CDC42BPB: variants seen among roughly 807,000 people sequenced by gnomAD.
CDC42BPB encodes the protein CDC42 binding protein kinase beta.
CDC42BPB carries 37 observed loss-of-function variants against 214.9 expected under a neutral mutation model. The ratio of observed to expected loss-of-function variants is 0.17; its 90% confidence interval spans 0.13 to 0.23. The LOEUF (loss-of-function observed/expected upper bound fraction) is 0.23. Among genes scored for constraint, CDC42BPB ranks in the 10% least tolerant of loss-of-function variants. The pLI, the probability that CDC42BPB is intolerant of heterozygous loss-of-function variation, is 1.00. For synonymous variants in CDC42BPB, 931 were observed against 884.0 expected, an observed-to-expected ratio of 1.05 and a Z score of -0.94; for missense variants, 1,694 against 2,227.0, an observed-to-expected ratio of 0.76 and a Z score of 4.82.
intron 7 of CDC42BPB, among the ~76,000 whole-genome samples, chr14:102,982,741 CAA>C (rs1239837867): frequency 6.6e-6 from 1 of 151,592 alleles, no homozygotes; most frequent in East Asian, 1.9e-4. Context: ...GCCTGGGCGA[CAA>C]GAGCGAAACT....
At chr14:103,006,328 G>A (rs951339238) in intron 3 of CDC42BPB, among the ~76,000 whole-genome samples, 2 of 152,252 alleles carry the variant, frequency 1.3e-5, no homozygotes, top group African/African-American at 2.4e-5. Flanking sequence ...GGGCTGCCCC[G>A]AGGATCTGCG....
At position 103,001,797 on chromosome 14, in the gene CDC42BPB, G is replaced by A. The variant is rs1894998009; in HGVS notation, c.448-2084C>T. The stretch of plus-strand genomic sequence containing the variant: ...AAGGAAGGCCGTGGGGTCGAGTCAA[G>A]CCCTTACTAGCTGAGCCCCAGCCGC... On this transcript the variant is annotated intron_variant, in intron 4 of 36. Transcript: ENST00000361246. This position sits in a 1 kb window ranked among gnomAD's most constrained non-coding sequence, Gnocchi z 5.8. 1.3e-5 allele frequency among the ~76,000 whole-genome samples: 2 copies of A among 152,160 alleles called. No homozygotes were observed. Among genetic ancestry groups the A allele is most frequent in the African/African-American group, 4.8e-5 (2 of 41,432 alleles).
intron 7 of CDC42BPB, among the ~76,000 whole-genome samples, chr14:102,981,483 C>T (rs1187398743): frequency 6.6e-6 from 1 of 152,158 alleles, no homozygotes; most frequent in African/African-American, 2.4e-5. Flanking sequence ...AAAAGAGACT[C>T]GTTAAAAAAG....
chr14:102,975,249 C>T lies in CDC42BPB; in HGVS notation c.1507+435G>A, dbSNP rs190485693. Among the ~76,000 whole-genome samples the T allele has an allele frequency of 4.5e-4, 69 of 152,306 alleles. 1 individual carries two copies. The highest frequency in any genetic ancestry group is 2.0e-4 in the Admixed American group (3 of 15,290). ...TAGAACTAAGCCAATTGGGGCTGGG[C>T]GCAGTGGCTCATGCTTGTAATTCCA... On this transcript the variant is annotated intron_variant, in intron 11 of 36. Transcript: ENST00000361246.
chr14:103,034,064 A>C (rs1887534901), intron 1 of CDC42BPB, among the ~76,000 whole-genome samples: 1 of 152,244 alleles, frequency 6.6e-6, no homozygotes, highest in Non-Finnish European at 1.5e-5. Flanking sequence ...CATCTGATTG[A>C]TACAGGCCCT....
At chr14:102,973,950 G>A in intron 12 of CDC42BPB, 66 bp downstream of exon 12, 1 of 1,528,716 alleles carries the variant, frequency 6.5e-7, no homozygotes, top group South Asian at 1.3e-5. Flanking sequence ...TCATCGGCAT[G>A]AACGTGACCT....
At chr14:103,054,882 A>G (rs1888857460) in intron 1 of CDC42BPB, among the ~76,000 whole-genome samples, 1 of 152,274 alleles carries the variant, frequency 6.6e-6, no homozygotes, top group Non-Finnish European at 1.5e-5. Context: ...ACACATGCTG[A>G]CAAGAGCTTC....
intron 1 of CDC42BPB, among the ~76,000 whole-genome samples, chr14:103,035,922 C>T (rs1447009687): frequency 1.3e-5 from 2 of 152,028 alleles, no homozygotes; most frequent in Non-Finnish European, 2.9e-5. Context: ...AAGGCCAAGG[C>T]AGGAGGATCG....
intron 9 of CDC42BPB, among the ~76,000 whole-genome samples, chr14:102,977,039 G>A (rs1277400095): frequency 6.6e-6 from 1 of 152,070 alleles, no homozygotes; most frequent in Non-Finnish European, 1.5e-5. Context: ...TTCCAAGCTC[G>A]AGCAGAAGTA....
intron 1 of CDC42BPB, among the ~76,000 whole-genome samples, chr14:103,024,115 C>A (rs1201536124): frequency 6.6e-6 from 1 of 152,236 alleles, no homozygotes; most frequent in African/African-American, 2.4e-5. Context: ...CGCTCTCCCA[C>A]ACACTCCAAA....
intron 1 of CDC42BPB, among the ~76,000 whole-genome samples, chr14:103,014,265 C>CT (rs1238626535): frequency 2.0e-5 from 3 of 151,944 alleles, no homozygotes; most frequent in African/African-American, 7.3e-5. Flanking sequence ...CCCACACTGT[C>CT]TGACTCCAGA....
At chr14:102,941,402 A>T (rs1891883143) in intron 30 of CDC42BPB, 1 of 985,348 alleles carries the variant, frequency 1.0e-6, no homozygotes, top group Non-Finnish European at 1.2e-6. Context: ...TTTTCTTCTG[A>T]ATACAAAAAG....
At chr14:102,957,993 T>C (rs989899908) in intron 21 of CDC42BPB, among the ~76,000 whole-genome samples, 7 of 152,232 alleles carry the variant, frequency 4.6e-5, no homozygotes, top group African/African-American at 1.4e-4. Flanking sequence ...AGAGTGGACA[T>C]TCTGCAGGAC....
At chr14:103,028,589 C>T (rs1012661050) in intron 1 of CDC42BPB, among the ~76,000 whole-genome samples, 6 of 152,340 alleles carry the variant, frequency 3.9e-5, no homozygotes, top group African/African-American at 1.4e-4. Context: ...CCCAGGAACA[C>T]GCCCGTCTGC....
intron 1 of CDC42BPB, among the ~76,000 whole-genome samples, chr14:103,055,407 A>G (rs1005762840): frequency 2.0e-5 from 3 of 152,248 alleles, no homozygotes; most frequent in Non-Finnish European, 4.4e-5. Context: ...TAGGCAACAC[A>G]GTGAGACTCG....
chr14:102,949,916 A>G lies in CDC42BPB; in HGVS notation c.3310-12T>C. 2.5e-6 allele frequency: 4 copies of G among 1,612,522 alleles called. No individual in the cohort carries two copies. The highest frequency in any genetic ancestry group is 3.4e-6 in the Non-Finnish European group (4 of 1,179,374). ...GTGGGCTTTGGGACCTATGAATAAAAACAAACAGTGGCCACGTTCCACCAG... is the reference window on the plus strand; with the variant it reads ...GTGGGCTTTGGGACCTATGAATAAAGACAAACAGTGGCCACGTTCCACCAG... On this transcript the variant is annotated splice_polypyrimidine_tract_variant and intron_variant, in intron 25 of 36. Transcript: ENST00000361246.
chr14:102,959,606 A>G (rs199777122), intron 21 of CDC42BPB, 25 bp downstream of exon 21: 80 of 1,511,548 alleles, frequency 5.3e-5, no homozygotes, highest in Non-Finnish European at 1.7e-5. Flanking sequence ...CTCATCTGTC[A>G]CTTAAAAAAA....
At chr14:102,960,393 G>C (rs923389631) in intron 20 of CDC42BPB, among the ~76,000 whole-genome samples, 1 of 152,010 alleles carries the variant, frequency 6.6e-6, no homozygotes, top group Admixed American at 6.6e-5. Context: ...AAGGTCGGAG[G>C]ACTGCTTGAG....
chr14:102,961,879 G>T (rs1200988713), intron 20 of CDC42BPB, among the ~76,000 whole-genome samples: 1 of 152,158 alleles, frequency 6.6e-6, no homozygotes. Flanking sequence ...ATAAATAAAT[G>T]ATAAGCAAAG....
Sources: allele counts gnomAD v4.1 joint callset (sites outside exome capture counted in the v4.1 genomes callset), GRCh38; gene constraint gnomAD v4.1.1; non-coding constraint Gnocchi (gnomAD v3.1); transcripts MANE v1.5; gene names NCBI Gene and HGNC (gene_info 2026-07-23, HGNC 2026-07-21).